The following FCHSD2 variants were observed in gnomAD, a reference collection of about 807,000 sequenced individuals.
The protein encoded by FCHSD2 is FCH and double SH3 domains 2.
FCHSD2 carries 38 observed loss-of-function variants against 108.1 expected under a neutral mutation model. That is an observed-to-expected ratio of 0.35 (90% CI 0.27 to 0.46). FCHSD2 has a LOEUF of 0.46. FCHSD2 is among the 20% of genes least tolerant of loss of function. The probability of loss-of-function intolerance (pLI) is 1.00; values close to 1 mark genes in which losing one functional copy is unlikely to be tolerated. For missense variants in FCHSD2, 751 were observed against 897.8 expected (o/e 0.84, Z 2.09); for synonymous variants, 279 against 314.7 (o/e 0.89, Z 1.20).
Position 73,027,697 on chromosome 11 carries a change from G to A in FCHSD2, c.166-11812C>T, listed in dbSNP as rs374821525. On this transcript the variant is annotated intron_variant, in intron 3 of 19. Coordinates refer to ENST00000409418, the MANE Select transcript of FCHSD2 (RefSeq NM_014824.3). ...TCTCCAGGGCATTTCAGAGATGTTCGCTGCACTCCCCGCCATCACAGGCCC... is the reference window on the plus strand; with the variant it reads ...TCTCCAGGGCATTTCAGAGATGTTCACTGCACTCCCCGCCATCACAGGCCC... 7.2e-5 allele frequency among the ~76,000 whole-genome samples: 11 copies of A among 152,326 alleles called. No homozygotes were observed. In the East Asian group the frequency reaches 7.7e-4, roughly 11 times the overall value.
chr11:73,140,590 CTACA>C (rs1394360967), intron 1 of FCHSD2, among the ~76,000 whole-genome samples: 4 of 152,224 alleles, frequency 2.6e-5, no homozygotes, highest in African/African-American at 9.6e-5. Context: ...CCTGAATCGA[CTACA>C]TAAATTACTC....
chr11:72,969,331 T>C (rs534554069), intron 8 of FCHSD2, among the ~76,000 whole-genome samples: 46 of 152,386 alleles, frequency 3.0e-4, no homozygotes, highest in African/African-American at 1.1e-3. Context: ...AAGTTATTTA[T>C]ATCAGGAATA....
intron 3 of FCHSD2, among the ~76,000 whole-genome samples, chr11:73,027,060 G>A (rs183979932): frequency 3.9e-5 from 6 of 152,226 alleles, no homozygotes; most frequent in African/African-American, 1.2e-4. Flanking sequence ...GAGACATGGC[G>A]TATTTCTATA....
intron 13 of FCHSD2, among the ~76,000 whole-genome samples, chr11:72,850,375 AT>A (rs574177764): frequency 6.7e-5 from 10 of 148,162 alleles, no homozygotes; most frequent in Non-Finnish European, 1.2e-4. Flanking sequence ...TAGGACAGAG[AT>A]TTTTTTTTAT....
In FCHSD2 at chr11:73,096,461, G is replaced by A. The variant is rs555391633; in HGVS notation, c.120-12721C>T. ...AGCTACCGGTAAGGCTGAGGCAGGA[G>A]AATCACCTGAACACAGGAGGCAGAG... On this transcript the variant is annotated intron_variant, in intron 2 of 19. Coordinates refer to ENST00000409418, the MANE Select transcript of FCHSD2 (RefSeq NM_014824.3). Among the ~76,000 whole-genome samples the A allele has an allele frequency of 2.3e-3, 356 of 151,686 alleles. 1 individual carries two copies. The highest frequency in any genetic ancestry group is 8.1e-3 in the African/African-American group (337 of 41,358).
At chr11:72,927,543 T>C (rs891580147) in intron 8 of FCHSD2, among the ~76,000 whole-genome samples, 2 of 152,150 alleles carry the variant, frequency 1.3e-5, no homozygotes, top group Non-Finnish European at 2.9e-5. Context: ...GAACTAAAAC[T>C]GCTCTAAACA....
chr11:72,889,812 C>T lies in FCHSD2; in HGVS notation c.1041+17G>A. 6.8e-7 allele frequency: 1 copy of T among 1,475,798 alleles called. No homozygotes were observed. Among genetic ancestry groups the T allele is most frequent in the Non-Finnish European group, 9.5e-7 (1 of 1,055,106 alleles). The allele number at this position is 1,475,798 out of a possible 1,614,324, so 91.4% of individuals were successfully genotyped here. A position where few individuals can be genotyped will look rare whatever the true frequency, so the allele number is the denominator to read the frequency against. On this transcript the variant is annotated intron_variant, in intron 11 of 19. Coordinates refer to ENST00000409418, the MANE Select transcript of FCHSD2 (RefSeq NM_014824.3). ...TGGCTTAAGGTGAATGTAACTAGGA[C>T]TTTCTCTTACACTTACCCGTTGTTG...
intron 3 of FCHSD2, among the ~76,000 whole-genome samples, chr11:73,056,649 A>G (rs933529080): frequency 3.3e-5 from 5 of 152,200 alleles, no homozygotes; most frequent in African/African-American, 1.2e-4. Flanking sequence ...TTTAACACAT[A>G]CCAGAGACTA....
intron 3 of FCHSD2, among the ~76,000 whole-genome samples, chr11:73,026,402 T>C (rs1188117983): frequency 6.6e-6 from 1 of 152,204 alleles, no homozygotes; most frequent in East Asian, 1.9e-4. Flanking sequence ...ACTGAGACAA[T>C]GGATGCTAAT....
At position 72,989,108 on chromosome 11, in the gene FCHSD2, C is replaced by T; in HGVS notation, c.388-11G>A. On this transcript the variant is annotated splice_polypyrimidine_tract_variant and intron_variant, in intron 5 of 19. Coordinates refer to ENST00000409418, the MANE Select transcript of FCHSD2 (RefSeq NM_014824.3). The stretch of plus-strand genomic sequence containing the variant: ...CAACTGGTCCACACACTGTAAAATA[C>T]AAAAGTACAATCATTATGATTTTAG... 6.3e-7 allele frequency: 1 copy of T among 1,595,772 alleles called. No homozygotes were observed. The highest frequency in any genetic ancestry group is 2.2e-5 in the East Asian group (1 of 44,718).
chr11:73,109,332 A>G (rs571964629), intron 2 of FCHSD2, among the ~76,000 whole-genome samples: 98 of 152,336 alleles, frequency 6.4e-4, no homozygotes, highest in African/African-American at 2.2e-3. Context: ...CATTTTAACA[A>G]TATTGATTCT....
At chr11:72,966,957 G>A (rs962483517) in intron 8 of FCHSD2, among the ~76,000 whole-genome samples, 4 of 152,206 alleles carry the variant, frequency 2.6e-5, no homozygotes, top group Admixed American at 2.6e-4. Context: ...CCAGCACTTT[G>A]GGAGGCTGAG....
chr11:73,051,902 CACACACACACACA>C (rs1565386158), intron 3 of FCHSD2, among the ~76,000 whole-genome samples: 1 of 149,266 alleles, frequency 6.7e-6, no homozygotes, highest in Non-Finnish European at 1.5e-5. Context: ...CACACACACA[CACACACACACACA>C]CCCCACACAC....
chr11:72,845,437 C>CAAAAA (rs755929012), intron 14 of FCHSD2, among the ~76,000 whole-genome samples: 6 of 81,868 alleles, frequency 7.3e-5, no homozygotes, highest in African/African-American at 1.1e-4. Flanking sequence ...GACCCTGTCT[C>CAAAAA]AAAAAAAAAA....
chr11:72,841,042 C>T, intron 18 of FCHSD2, 83 bp from the exon 19 acceptor site: 2 of 1,026,626 alleles, frequency 1.9e-6, no homozygotes, highest in Admixed American at 1.9e-5. Flanking sequence ...GTGGCTTGAG[C>T]CTGTAATCCC....
intron 3 of FCHSD2, among the ~76,000 whole-genome samples, chr11:73,023,125 T>A (rs1365225359): frequency 6.6e-6 from 1 of 152,134 alleles, no homozygotes; most frequent in Non-Finnish European, 1.5e-5. Flanking sequence ...GAAAATCTCC[T>A]TGACCTTTGG....
At chr11:73,139,395 G>C (rs1009721763) in intron 2 of FCHSD2, among the ~76,000 whole-genome samples, 1 of 152,176 alleles carries the variant, frequency 6.6e-6, no homozygotes, top group Non-Finnish European at 1.5e-5. Context: ...TGTATTACAA[G>C]ATTGTTAAAT....
At chr11:72,903,376 C>T (rs1855567319) in intron 9 of FCHSD2, among the ~76,000 whole-genome samples, 1 of 152,060 alleles carries the variant, frequency 6.6e-6, no homozygotes, top group Non-Finnish European at 1.5e-5. Flanking sequence ...GCCACTGCGC[C>T]CAGCTAATTT....
intron 19 of FCHSD2, among the ~76,000 whole-genome samples, chr11:72,839,234 A>G (rs1860828069): frequency 2.6e-5 from 4 of 152,232 alleles, no homozygotes. Context: ...GTTACAAAAG[A>G]GAAGGCTAGA....
Sources: allele counts gnomAD v4.1 joint callset (sites outside exome capture counted in the v4.1 genomes callset), GRCh38; gene constraint gnomAD v4.1.1; transcripts MANE v1.5; gene names NCBI Gene and HGNC (gene_info 2026-07-23, HGNC 2026-07-21).